Variants in ARB2A observed in about 807,000 individuals in gnomAD.
The protein encoded by ARB2A is ARB2 cotranscriptional regulator A, also known as cotranscriptional regulator ARB2A.
chr5:93,729,552 A>G, the ARB2A span, among the ~76,000 whole-genome samples: 1 of 152,062 alleles, frequency 6.6e-6, no homozygotes, highest in Non-Finnish European at 1.5e-5. Flanking sequence ...AGTATTACAT[A>G]TGGTCTACAT....
the ARB2A span, among the ~76,000 whole-genome samples, chr5:93,986,143 C>T: frequency 6.7e-5 from 10 of 150,142 alleles, no homozygotes; most frequent in South Asian, 1.7e-3. Flanking sequence ...CGCCTCTGCC[C>T]GGCCGCCACC....
chr5:93,759,173 A>ATAC, the ARB2A span, among the ~76,000 whole-genome samples: 1 of 152,196 alleles, frequency 6.6e-6, no homozygotes, highest in Non-Finnish European at 1.5e-5. Flanking sequence ...TCCTGGAAAA[A>ATAC]TACAACCCTC....
chr5:93,921,280 T>C, the ARB2A span, among the ~76,000 whole-genome samples: 48 of 152,176 alleles, frequency 3.2e-4, 1 homozygote, highest in African/African-American at 1.1e-3. Context: ...AGCTTTTATG[T>C]GACTGCAGGA....
the ARB2A span, among the ~76,000 whole-genome samples, chr5:94,041,755 G>A: frequency 1.3e-5 from 2 of 152,082 alleles, no homozygotes; most frequent in African/African-American, 4.8e-5. Context: ...ATTAAAAACT[G>A]CTCAATTTAC....
At chr5:93,962,620 A>G in the ARB2A span, among the ~76,000 whole-genome samples, 1 of 152,038 alleles carries the variant, frequency 6.6e-6, no homozygotes, top group Non-Finnish European at 1.5e-5. Flanking sequence ...ACCCACTCTC[A>G]CTCTGAGATT....
chr5:93,765,393 C>T, the ARB2A span, among the ~76,000 whole-genome samples: 1 of 152,186 alleles, frequency 6.6e-6, no homozygotes, highest in Non-Finnish European at 1.5e-5. Context: ...CATTCTTATA[C>T]ACCAATAACA....
At chr5:93,739,805 G>A in the ARB2A span, 9 of 152,206 alleles carry the variant, frequency 5.9e-5, no homozygotes, top group African/African-American at 1.9e-4. Context: ...AAATAGAGGT[G>A]AAAACAGGAG....
At chr5:94,050,220 G>A in the ARB2A span, among the ~76,000 whole-genome samples, 5 of 150,250 alleles carry the variant, frequency 3.3e-5, no homozygotes, top group South Asian at 1.1e-3. Context: ...GATTATAGGT[G>A]TGAGCCACCA....
the ARB2A span, among the ~76,000 whole-genome samples, chr5:93,659,251 C>G: frequency 1.3e-5 from 2 of 152,016 alleles, no homozygotes; most frequent in Non-Finnish European, 2.9e-5. Context: ...ATTTCATAAT[C>G]TTTTGAAACT....
the ARB2A span, among the ~76,000 whole-genome samples, chr5:93,868,382 C>T: frequency 5.9e-5 from 9 of 152,082 alleles, no homozygotes; most frequent in Admixed American, 2.0e-4. Context: ...ACTCAGTAAA[C>T]GTTACATTGC....
At chr5:94,040,628 T>C in the ARB2A span, among the ~76,000 whole-genome samples, 2 of 152,168 alleles carry the variant, frequency 1.3e-5, no homozygotes, top group Non-Finnish European at 2.9e-5. Flanking sequence ...TTGCAATAGT[T>C]TGCTGAGAAT....
chr5:93,928,189 T>C, the ARB2A span, among the ~76,000 whole-genome samples: 1 of 152,286 alleles, frequency 6.6e-6, no homozygotes, highest in South Asian at 2.1e-4. Context: ...ATTGCAATGC[T>C]ATTCATCCAA....
chr5:93,651,791 C>T, the ARB2A span, among the ~76,000 whole-genome samples: 16 of 151,810 alleles, frequency 1.1e-4, no homozygotes, highest in African/African-American at 3.9e-4. Flanking sequence ...ATATAAAAAA[C>T]AGGAGGTTAT....
the ARB2A span, among the ~76,000 whole-genome samples, chr5:93,763,404 C>A: frequency 6.6e-6 from 1 of 152,248 alleles, no homozygotes; most frequent in African/African-American, 2.4e-5. Context: ...ATCCTAGTCT[C>A]TGATAAAACA....
the ARB2A span, among the ~76,000 whole-genome samples, chr5:93,779,556 G>A: frequency 6.6e-6 from 1 of 152,084 alleles, no homozygotes; most frequent in Non-Finnish European, 1.5e-5. Context: ...CAGGTCCCCT[G>A]AATAGGCAAC....
chr5:94,100,928 C>T, the ARB2A span, among the ~76,000 whole-genome samples: 15 of 152,050 alleles, frequency 9.9e-5, no homozygotes, highest in South Asian at 4.1e-4. Context: ...AAAGCAAAAA[C>T]GGACAAATGG....
At chr5:93,784,675 G>A in the ARB2A span, among the ~76,000 whole-genome samples, 1 of 152,122 alleles carries the variant, frequency 6.6e-6, no homozygotes, top group African/African-American at 2.4e-5. Context: ...GTCCAGAGAT[G>A]TGAAAAGACC....
the ARB2A span, among the ~76,000 whole-genome samples, chr5:93,950,956 A>T: frequency 9.6e-5 from 14 of 146,486 alleles, 1 homozygote; most frequent in South Asian, 1.1e-3. Context: ...AAAAAAAAAA[A>T]AATAAAATAA....
the ARB2A span, chr5:93,735,565 A>G: frequency 6.6e-6 from 1 of 152,200 alleles, no homozygotes; most frequent in Non-Finnish European, 1.5e-5. Context: ...GGCATTCAAC[A>G]TGGTCTGACT....
Sources: allele counts gnomAD v4.1 joint callset (sites outside exome capture counted in the v4.1 genomes callset), GRCh38; gene constraint gnomAD v4.1.1; transcripts MANE v1.5; gene names NCBI Gene and HGNC (gene_info 2026-07-23, HGNC 2026-07-21).